Variants in CHRM3 observed in about 807,000 individuals in gnomAD.
CHRM3 encodes the protein muscarinic acetylcholine receptor M3.
CHRM3 carries 11 observed loss-of-function variants against 41.8 expected under a neutral mutation model. The observed-to-expected ratio is 0.26, with a 90% CI of 0.17 to 0.44. CHRM3 has a LOEUF of 0.44. Ranked by LOEUF, CHRM3 falls within the 20% of genes least tolerant of loss-of-function variation. CHRM3 has a pLI of 1.00. For missense variants in CHRM3, 571 were observed against 745.4 expected (o/e 0.77, Z 2.72); for synonymous variants, 297 against 301.4 (o/e 0.99, Z 0.15).
intron 2 of CHRM3, among the ~76,000 whole-genome samples, chr1:239,495,285 G>T (rs916689533): frequency 3.3e-5 from 5 of 152,124 alleles, no homozygotes; most frequent in Non-Finnish European, 7.4e-5. Context: ...AATCCATGTA[G>T]GCATTTGGGT....
At chr1:239,429,199 T>G (rs1351604230) in intron 1 of CHRM3, among the ~76,000 whole-genome samples, 1 of 152,246 alleles carries the variant, frequency 6.6e-6, no homozygotes, top group Non-Finnish European at 1.5e-5. Flanking sequence ...TGCATTTTCT[T>G]TAGCTTTTTG....
At chr1:239,698,960 CTG>C (rs1660435073) in intron 5 of CHRM3, among the ~76,000 whole-genome samples, 1 of 152,044 alleles carries the variant, frequency 6.6e-6, no homozygotes, top group Admixed American at 6.6e-5. Context: ...AATTCTAAAA[CTG>C]TATATACATT....
At chr1:239,846,760 A>G (rs755269980) in intron 6 of CHRM3, among the ~76,000 whole-genome samples, 4 of 152,178 alleles carry the variant, frequency 2.6e-5, no homozygotes, top group African/African-American at 4.8e-5. Flanking sequence ...TTCCTTTGCT[A>G]CAGTACTTCT....
intron 5 of CHRM3, among the ~76,000 whole-genome samples, chr1:239,819,626 G>A (rs1320619834): frequency 6.6e-6 from 1 of 152,234 alleles, no homozygotes; most frequent in African/African-American, 2.4e-5. Context: ...TGAGATGGCT[G>A]TGAGAAGTAT....
intron 1 of CHRM3, among the ~76,000 whole-genome samples, chr1:239,427,392 G>A (rs755546703): frequency 2.6e-5 from 4 of 152,140 alleles, no homozygotes; most frequent in Non-Finnish European, 5.9e-5. Flanking sequence ...AGAGATGCAG[G>A]AGCTAAATCT....
chr1:239,496,520 T>TGC (rs1252468247), intron 2 of CHRM3, among the ~76,000 whole-genome samples: 8 of 146,452 alleles, frequency 5.5e-5, no homozygotes, highest in African/African-American at 2.1e-4. Flanking sequence ...AGTGTGTGTG[T>TGC]GTGTGTGTGT....
At chr1:239,708,019 A>G (rs991409441) in intron 5 of CHRM3, among the ~76,000 whole-genome samples, 2 of 152,222 alleles carry the variant, frequency 1.3e-5, no homozygotes, top group African/African-American at 4.8e-5. Context: ...AGAAAAAAAT[A>G]CCATTTAACT....
chr1:239,876,355 C>G (rs1677107842), intron 6 of CHRM3, among the ~76,000 whole-genome samples: 1 of 152,114 alleles, frequency 6.6e-6, no homozygotes, highest in Admixed American at 6.5e-5. Context: ...TGGAAACCAG[C>G]TGGAGGTAGT....
chr1:239,640,214 G>T (rs1197939793), intron 4 of CHRM3, among the ~76,000 whole-genome samples: 2 of 152,056 alleles, frequency 1.3e-5, no homozygotes, highest in Admixed American at 6.6e-5. Flanking sequence ...AAGGATATTG[G>T]TCTAAAATTC....
At position 239,695,736 on chromosome 1, in the gene CHRM3, A is replaced by G. The variant is rs975354752; in HGVS notation, c.-147+17448A>G. 2.6e-5 allele frequency among the ~76,000 whole-genome samples: 4 copies of G among 152,126 alleles called. No homozygotes were observed. The South Asian group carries it at 6.2e-4, about 24-fold the overall frequency. On this transcript the variant is annotated intron_variant, in intron 5 of 6. Coordinates refer to ENST00000676153, the MANE Select transcript of CHRM3 (RefSeq NM_001375978.1). ...GGAAAAGGAAAGGAAACTCATTTAA[A>G]CAATTGTTTTTAAGAGCCAGAAAAA...
At chr1:239,872,059 C>A (rs1407973232) in intron 6 of CHRM3, among the ~76,000 whole-genome samples, 2 of 152,138 alleles carry the variant, frequency 1.3e-5, no homozygotes, top group African/African-American at 4.8e-5. Flanking sequence ...ACACCTCACC[C>A]CACACTAGCC....
At chr1:239,580,704 T>TATATATATATATATACAC (rs570878631) in intron 3 of CHRM3, among the ~76,000 whole-genome samples, 4 of 131,082 alleles carry the variant, frequency 3.1e-5, no homozygotes, top group African/African-American at 1.1e-4. Context: ...TATATATATA[T>TATATATATATATATACAC]ACACACACAC....
intron 1 of CHRM3, among the ~76,000 whole-genome samples, chr1:239,454,900 T>C (rs1332234393): frequency 1.3e-5 from 2 of 152,110 alleles, no homozygotes; most frequent in East Asian, 3.9e-4. Flanking sequence ...TGTGTACGGG[T>C]TGGTGTAAAC....
intron 6 of CHRM3, among the ~76,000 whole-genome samples, chr1:239,866,248 GCA>G: frequency 6.6e-6 from 1 of 152,132 alleles, no homozygotes; most frequent in Admixed American, 6.5e-5. Context: ...GTGGTGGCGG[GCA>G]CCTGTAGTCC....
At chr1:239,578,863 A>C (rs966365668) in intron 3 of CHRM3, among the ~76,000 whole-genome samples, 1 of 152,170 alleles carries the variant, frequency 6.6e-6, no homozygotes, top group African/African-American at 2.4e-5. Context: ...TTAAGCAGCC[A>C]GCCCAGCACC....
At position 239,677,255 on chromosome 1, in the gene CHRM3, T is replaced by C. The variant is rs567677244; in HGVS notation, c.-249-931T>C. ...TTTGAGAACAAGACCAAGCCTCTACTTAATATTTTAACCCAATACCTGCTT... is the reference window on the plus strand; with the variant it reads ...TTTGAGAACAAGACCAAGCCTCTACCTAATATTTTAACCCAATACCTGCTT... On this transcript the variant is annotated intron_variant, in intron 4 of 6. Coordinates refer to ENST00000676153, the MANE Select transcript of CHRM3 (RefSeq NM_001375978.1). Among the ~76,000 whole-genome samples, 3 of 152,376 alleles carry C rather than the reference T, an allele frequency of 2.0e-5. No homozygotes were observed. In the South Asian group the frequency reaches 6.2e-4, roughly 32 times the overall value.
intron 3 of CHRM3, among the ~76,000 whole-genome samples, chr1:239,618,684 A>C (rs1450266698): frequency 1.3e-5 from 2 of 150,750 alleles, no homozygotes; most frequent in Admixed American, 6.6e-5. Flanking sequence ...CTCTACTAAA[A>C]ATACAAAAAA....
intron 5 of CHRM3, among the ~76,000 whole-genome samples, chr1:239,770,822 C>G (rs1209794881): frequency 6.6e-6 from 1 of 152,128 alleles, no homozygotes; most frequent in East Asian, 1.9e-4. Context: ...GATACAGGCT[C>G]ACACCTGTAA....
intron 5 of CHRM3, among the ~76,000 whole-genome samples, chr1:239,688,689 AATATATAATATT>A (rs1327398905): frequency 7.5e-6 from 1 of 134,120 alleles, no homozygotes; most frequent in African/African-American, 2.8e-5. Context: ...TATGCAATAT[AATATATAATATT>A]ATATATAATA....
Sources: allele counts gnomAD v4.1 joint callset (sites outside exome capture counted in the v4.1 genomes callset), GRCh38; gene constraint gnomAD v4.1.1; transcripts MANE v1.5; gene names NCBI Gene and HGNC (gene_info 2026-07-23, HGNC 2026-07-21).